DLGAP2: variants seen among roughly 807,000 people sequenced by gnomAD.
DLGAP2 encodes the protein disks large-associated protein 2.
In DLGAP2, 26 loss-of-function variants were observed where a neutral mutation model predicts 100.3. That is an observed-to-expected ratio of 0.26 (90% CI 0.19 to 0.36). The LOEUF is 0.36. DLGAP2 is among the 10% of genes least tolerant of loss of function. The probability of loss-of-function intolerance (pLI) is 1.00; values close to 1 mark genes in which losing one functional copy is unlikely to be tolerated. For synonymous variants in DLGAP2, 886 were observed against 630.1 expected (o/e 1.41, Z -6.08); for missense variants, 1,858 against 1,453.2 (o/e 1.28, Z -4.53).
chr8:1,548,989 C>A lies in DLGAP2; in HGVS notation c.536C>A (p.Ala179Asp). 6.3e-7 allele frequency: 1 copy of A among 1,598,894 alleles called. No individual in the cohort carries two copies. Among genetic ancestry groups the A allele is most frequent in the Non-Finnish European group, 8.5e-7 (1 of 1,179,076 alleles). ...GACACGCGCGACGACTGCGCTGTGGCCCACGCGGGCGCCAAGATCAACCGC... is the reference window on the plus strand; with the variant it reads ...GACACGCGCGACGACTGCGCTGTGGACCACGCGGGCGCCAAGATCAACCGC... ...HYDTRDDCAV[A>D]HAGAKINRIP... is the part of the protein sequence containing the mutation. Residue 179 changes from alanine (A) to aspartate (D), a missense_variant, in exon 5 of 15, where the codon GCC becomes GAC. By Grantham distance (126) the Ala-to-Asp change is moderately radical. Transcript: ENST00000637795.
chr8:1,058,295 A>C (rs1469515695), intron 2 of DLGAP2, among the ~76,000 whole-genome samples: 2 of 152,178 alleles, frequency 1.3e-5, no homozygotes, highest in Non-Finnish European at 2.9e-5. Context: ...ATAATCACTC[A>C]CTTGGCACTG....
rs1426641426 is a variant in DLGAP2 at position 1,708,316 on chromosome 8, T to G, written c.*6910T>G. The G allele has an allele frequency of 6.6e-6, 1 of 152,208 alleles. No individual in the cohort carries two copies. Among genetic ancestry groups the G allele is most frequent in the Non-Finnish European group, 1.5e-5 (1 of 68,046 alleles). 9.4% of individuals were successfully genotyped at this position (152,208 alleles called of 1,614,324 possible). Reference sequence around the variant, plus strand: ...CAAAGAGTTTTATCCGAAAAAAAATTACACTCTTCCTCCATTATATATTTC... The same window carrying G: ...CAAAGAGTTTTATCCGAAAAAAAATGACACTCTTCCTCCATTATATATTTC... On this transcript the variant is annotated 3_prime_UTR_variant, in exon 15 of 15. Transcript: ENST00000637795.
chr8:1,080,911 A>G (rs1407624065), intron 2 of DLGAP2, among the ~76,000 whole-genome samples: 4 of 152,226 alleles, frequency 2.6e-5, no homozygotes, highest in Non-Finnish European at 4.4e-5. Context: ...GGAATTCTAC[A>G]TATCTAGCAC....
chr8:1,622,998 G>A (rs1035106797), intron 6 of DLGAP2, among the ~76,000 whole-genome samples: 1 of 152,308 alleles, frequency 6.6e-6, no homozygotes, highest in South Asian at 2.1e-4. Flanking sequence ...CCTAGTTCTT[G>A]AGTTTTGATC....
intron 14 of DLGAP2, among the ~76,000 whole-genome samples, chr8:1,699,299 A>G (rs930968062): frequency 2.0e-5 from 3 of 151,982 alleles, no homozygotes; most frequent in East Asian, 1.9e-4. Flanking sequence ...GTGAAACCCC[A>G]TCTCTACTAA....
intron 3 of DLGAP2, among the ~76,000 whole-genome samples, chr8:1,335,126 G>T (rs1469857807): frequency 2.0e-5 from 3 of 152,174 alleles, no homozygotes; most frequent in Non-Finnish European, 2.9e-5. Flanking sequence ...TCCAAGACAC[G>T]GTGGTTGAGT....
intron 2 of DLGAP2, among the ~76,000 whole-genome samples, chr8:964,728 C>G (rs984381172): frequency 6.6e-6 from 1 of 152,180 alleles, no homozygotes; most frequent in African/African-American, 2.4e-5. Context: ...TGGACATTTG[C>G]TCTCAAGGGT....
At chr8:1,631,623 C>T (rs1428491434) in intron 7 of DLGAP2, among the ~76,000 whole-genome samples, 3 of 152,120 alleles carry the variant, frequency 2.0e-5, no homozygotes, top group African/African-American at 7.2e-5. Flanking sequence ...TGAAAAAGGC[C>T]ACCCCGCCGG....
chr8:768,325 C>T (rs1276066048), intron 1 of DLGAP2, among the ~76,000 whole-genome samples: 1 of 150,776 alleles, frequency 6.6e-6, no homozygotes, highest in African/African-American at 2.5e-5. Context: ...TATACAGTCA[C>T]TCAGACAAAT....
intron 3 of DLGAP2, among the ~76,000 whole-genome samples, chr8:1,388,320 T>A (rs13267406): frequency 4.3e-5 from 2 of 46,000 alleles, no homozygotes; most frequent in East Asian, 1.3e-3. Context: ...GATGAGGAGG[T>A]GCTGGTTCAA....
chr8:1,236,726 TGC>T (rs777030530), intron 2 of DLGAP2, among the ~76,000 whole-genome samples: 1 of 44,686 alleles, frequency 2.2e-5, no homozygotes, highest in East Asian at 5.9e-4. Flanking sequence ...TCTAGTTCTC[TGC>T]CACATGGCGC....
At chr8:1,409,366 A>T (rs543124554) in intron 3 of DLGAP2, among the ~76,000 whole-genome samples, 1 of 151,976 alleles carries the variant, frequency 6.6e-6, no homozygotes, top group South Asian at 2.1e-4. Context: ...CTCCTTCCTC[A>T]CCGTAGGCGC....
At chr8:1,376,368 C>T (rs548786043) in intron 3 of DLGAP2, among the ~76,000 whole-genome samples, 11 of 152,358 alleles carry the variant, frequency 7.2e-5, no homozygotes, top group East Asian at 3.9e-4. Flanking sequence ...GCATCGGCCA[C>T]GGGGGCCTGC....
In DLGAP2 at chr8:1,502,843, G is replaced by A. The variant is rs955320357; in HGVS notation, c.172+1412G>A. On this transcript the variant is annotated intron_variant, in intron 4 of 14. Transcript: ENST00000637795. ...TATTCCAGTTCTTCTCCATAGCAGC[G>A]GCGCCCACGTGCCCCAGGGGCCTTC... is the stretch of plus-strand genomic sequence containing the variant. 3.9e-5 allele frequency among the ~76,000 whole-genome samples: 6 copies of A among 152,142 alleles called. No homozygotes were observed. The East Asian group carries it at 9.6e-4, about 24-fold the overall frequency.
chr8:976,759 C>A (rs111574737), intron 2 of DLGAP2, among the ~76,000 whole-genome samples: 2,462 of 152,140 alleles, frequency 0.016, 69 homozygotes, highest in African/African-American at 0.057. Context: ...TGGATGTAGA[C>A]GTAAACCTTT....
intron 3 of DLGAP2, among the ~76,000 whole-genome samples, chr8:1,377,340 C>T (rs1402666360): frequency 2.0e-5 from 3 of 152,264 alleles, no homozygotes; most frequent in Admixed American, 6.5e-5. Context: ...GTCAGGAGAT[C>T]GAGACCATCC....
intron 2 of DLGAP2, among the ~76,000 whole-genome samples, chr8:1,146,675 G>C (rs1400489878): frequency 6.6e-6 from 1 of 152,198 alleles, no homozygotes; most frequent in South Asian, 2.1e-4. Context: ...GTGCATGTGT[G>C]TGCATGTGCC....
chr8:1,465,404 G>T (rs1798597364), intron 3 of DLGAP2, among the ~76,000 whole-genome samples: 1 of 151,866 alleles, frequency 6.6e-6, no homozygotes, highest in Admixed American at 6.6e-5. Flanking sequence ...GATGAGCAGA[G>T]GGAAGGGGAC....
rs371423350 is a variant in DLGAP2 at position 1,638,070 on chromosome 8, G to A, written c.1810+5024G>A. On this transcript the variant is annotated intron_variant, in intron 8 of 14. Coordinates refer to ENST00000637795, the MANE Select transcript of DLGAP2 (RefSeq NM_001346810.2). ...GGAGAGGCTGGAAGGCAGGACGGAT[G>A]GGGGACATGAGCTGAGAGGGACATC... Among the ~76,000 whole-genome samples, 372 of 152,298 alleles carry A rather than the reference G, an allele frequency of 2.4e-3. 3 individuals carry two copies. The highest frequency in any genetic ancestry group is 8.4e-3 in the African/African-American group (349 of 41,560).
Sources: allele counts gnomAD v4.1 joint callset (sites outside exome capture counted in the v4.1 genomes callset), GRCh38; gene constraint gnomAD v4.1.1; transcripts MANE v1.5; gene names NCBI Gene and HGNC (gene_info 2026-07-23, HGNC 2026-07-21).